The following TFAP2A variants were observed in gnomAD, a reference collection of about 807,000 sequenced individuals.
TFAP2A encodes transcription factor AP-2 alpha.
A neutral mutation model predicts 41.5 loss-of-function variants in TFAP2A; 7 were observed. The ratio of observed to expected loss-of-function variants is 0.17; its 90% confidence interval spans 0.10 to 0.32. TFAP2A has a LOEUF of 0.32. Ranked by LOEUF, TFAP2A falls within the 10% of genes least tolerant of loss-of-function variation. The pLI is 1.00. For missense variants in TFAP2A, 416 were observed against 563.3 expected (o/e 0.74, Z 2.65); for synonymous variants, 247 against 242.8 (o/e 1.02, Z -0.16).
intron 1 of TFAP2A, chr6:10,411,484 C>G: frequency 6.2e-7 from 1 of 1,611,868 alleles, no homozygotes; most frequent in Non-Finnish European, 8.5e-7. Flanking sequence ...GGGCGTGAAA[C>G]CCGAGGTTTC....
upstream of TFAP2A, among the ~76,000 whole-genome samples, chr6:10,417,868 C>G (rs1189814096): frequency 6.6e-6 from 1 of 152,202 alleles, no homozygotes; most frequent in Non-Finnish European, 1.5e-5. Context: ...GCGGCAGTCT[C>G]GCGGCTTTCA....
intron 2 of TFAP2A, among the ~76,000 whole-genome samples, chr6:10,408,587 CTGT>C (rs747677041): frequency 1.3e-5 from 2 of 152,216 alleles, no homozygotes; most frequent in Non-Finnish European, 2.9e-5. Context: ...AAAAAATGCA[CTGT>C]TAAGTATCAG....
chr6:10,400,999 G>A (rs1310843409), intron 5 of TFAP2A, among the ~76,000 whole-genome samples: 1 of 152,208 alleles, frequency 6.6e-6, no homozygotes, highest in African/African-American at 2.4e-5. Context: ...ATTTTAACTT[G>A]ATCACATAAA....
upstream of TFAP2A, among the ~76,000 whole-genome samples, chr6:10,416,632 C>G (rs1048412097): frequency 6.6e-6 from 1 of 152,192 alleles, no homozygotes; most frequent in African/African-American, 2.4e-5. Context: ...GCTTGTTTCT[C>G]GAAAATCTCC....
chr6:10,404,157 G>A (rs2763176), intron 4 of TFAP2A, among the ~76,000 whole-genome samples: 7 of 152,262 alleles, frequency 4.6e-5, no homozygotes, highest in Admixed American at 1.3e-4. Flanking sequence ...TGGCTGTACG[G>A]CGCCCCGCGG....
At chr6:10,407,029 C>A in intron 2 of TFAP2A, 185 bp from the exon 3 acceptor site, 1 of 630,084 alleles carries the variant, frequency 1.6e-6, no homozygotes. Flanking sequence ...CAAGAGGTTT[C>A]ACTGCACACC....
rs999390920 is a variant in TFAP2A at position 10,398,062 on chromosome 6, T to C, written c.*355A>G. On this transcript the variant is annotated 3_prime_UTR_variant, in exon 7 of 7. Transcript: ENST00000379613. The surrounding 1 kb of genome is among the most constrained non-coding windows in gnomAD (Gnocchi z 5.3). ...TTAATTTTTGTTGTTGTTGTTGCTG[T>C]TGTTGATTTGTTGTTTTGTTTAAAA... is the stretch of plus-strand genomic sequence containing the variant. The C allele has an allele frequency of 8.8e-7, 1 of 1,134,100 alleles. No individual in the cohort carries two copies. Among genetic ancestry groups the C allele is most frequent in the African/African-American group, 1.7e-5 (1 of 58,552 alleles). The allele number at this position is 1,134,100 out of a possible 1,614,324, so 70.3% of individuals were successfully genotyped here. A position where few individuals can be genotyped will look rare whatever the true frequency, so the allele number is the denominator to read the frequency against.
chr6:10,400,650 C>T (rs1200161725), intron 5 of TFAP2A, 61 bp from the exon 6 acceptor site: 1 of 1,571,740 alleles, frequency 6.4e-7, no homozygotes, highest in African/African-American at 1.3e-5. Flanking sequence ...ATCCTAACTT[C>T]CTCCCCACTC....
In TFAP2A at chr6:10,404,637, C is replaced by T. The variant is rs909713555; in HGVS notation, c.641G>A (p.Cys214Tyr). ...GGVVNPNEVFCSVPGRLSLLS... is the reference protein window; with the variant it reads ...GGVVNPNEVFYSVPGRLSLLS... ...GAGCGAGAGGCGACCCGGAACTGAACAGAAGACTTCGTTGGGGTTCACCAC... is the reference window on the plus strand; with the variant it reads ...GAGCGAGAGGCGACCCGGAACTGAATAGAAGACTTCGTTGGGGTTCACCAC... The change falls in exon 4 of 7, where the codon TGT (cysteine) becomes TAT (tyrosine). Residue 214 changes from cysteine to tyrosine, a missense_variant. Physicochemically the swap from Cys to Tyr is radical, Grantham distance 194. Coordinates refer to ENST00000379613, the MANE Select transcript of TFAP2A (RefSeq NM_001372066.1). 1.2e-6 allele frequency: 2 copies of T among 1,614,196 alleles called. No individual in the cohort carries two copies. Among genetic ancestry groups the T allele is most frequent in the Non-Finnish European group, 1.7e-6 (2 of 1,180,028 alleles).
rs527718716 is a variant in TFAP2A at position 10,403,817 on chromosome 6, G to C, written c.770+691C>G. Reference sequence around the variant, plus strand: ...AGAATCCCTGGCTATGTATGTAACAGATGCATTCCTTGGTAGTGACTACAC... The same window carrying C: ...AGAATCCCTGGCTATGTATGTAACACATGCATTCCTTGGTAGTGACTACAC... On this transcript the variant is annotated intron_variant, in intron 4 of 6. Transcript: ENST00000379613. Among the ~76,000 whole-genome samples the C allele has an allele frequency of 8.5e-5, 13 of 152,306 alleles. No homozygotes were observed. The East Asian group carries it at 2.3e-3, about 27-fold the overall frequency.
chr6:10,411,629 GA>G, intron 1 of TFAP2A: 1 of 1,613,610 alleles, frequency 6.2e-7, no homozygotes, highest in Non-Finnish European at 8.5e-7. Context: ...AGTCAGGGTG[GA>G]AAAAAACAAG....
chr6:10,409,825 A>G (rs1245680630), intron 2 of TFAP2A, 76 bp downstream of exon 2: 2 of 1,495,194 alleles, frequency 1.3e-6, no homozygotes, highest in Non-Finnish European at 1.8e-6. Context: ...CACCGACTGT[A>G]TGTTCCAGGT....
At chr6:10,416,448 GA>G (rs1365884408), upstream of TFAP2A, 1 of 148,498 alleles carries the variant, frequency 6.7e-6, no homozygotes, top group Non-Finnish European at 1.5e-5. Flanking sequence ...AAAAGAAAAG[GA>G]CCTAATGTGA....
In TFAP2A at chr6:10,397,768, G is replaced by T. The variant is rs1000215119; in HGVS notation, c.*649C>A. ...AACACTGATTCCCTTATATAACTGC[G>T]AATCGTGTTGCCAGAGAAAGTTCAA... On this transcript the variant is annotated 3_prime_UTR_variant, in exon 7 of 7. Transcript: ENST00000379613. 2.5e-5 allele frequency: 18 copies of T among 730,854 alleles called. No homozygotes were observed. The highest frequency in any genetic ancestry group is 1.7e-5 in the Non-Finnish European group (10 of 597,806). The allele number at this position is 730,854 out of a possible 1,614,324, so 45.3% of individuals were successfully genotyped here.
chr6:10,408,231 T>A (rs1354977322), intron 2 of TFAP2A, among the ~76,000 whole-genome samples: 7 of 152,228 alleles, frequency 4.6e-5, no homozygotes, highest in African/African-American at 1.7e-4. Context: ...CCCAAATTCC[T>A]TTGAAAGAAT....
chr6:10,410,690 T>C (rs1031870295), intron 1 of TFAP2A, among the ~76,000 whole-genome samples: 3 of 152,210 alleles, frequency 2.0e-5, no homozygotes, highest in African/African-American at 7.2e-5. Context: ...AAGCGGCCTT[T>C]TCTTTTCCCC....
At chr6:10,415,095 G>A (rs1218467374), upstream of TFAP2A, 5 of 1,608,890 alleles carry the variant, frequency 3.1e-6, no homozygotes, top group Admixed American at 3.4e-5. Context: ...GCAGGAGGAG[G>A]AGGAGGAGGG....
chr6:10,419,369 T>G, upstream of TFAP2A: 7 of 944,232 alleles, frequency 7.4e-6, no homozygotes, highest in Non-Finnish European at 1.2e-5. Context: ...CCCCCTCCCC[T>G]ACTCCACCCC....
chr6:10,411,743 C>T (rs780568535), intron 1 of TFAP2A: 80 of 1,505,694 alleles, frequency 5.3e-5, no homozygotes, highest in Non-Finnish European at 6.5e-5. Context: ...GCCGACGCTC[C>T]CCGGAGCGCG....
Sources: gnomAD v4.1 joint callset for allele counts (sites outside exome capture counted in the v4.1 genomes callset) on GRCh38, gnomAD v4.1.1 for gene constraint, Gnocchi (gnomAD v3.1) non-coding constraint, MANE v1.5 for transcripts, NCBI Gene and HGNC (gene_info 2026-07-23, HGNC 2026-07-21) for gene names.